The following FUT8 variants were observed in gnomAD, a reference collection of about 807,000 sequenced individuals.
The protein encoded by FUT8 is fucosyltransferase 8, also known as alpha-(1,6)-fucosyltransferase.
Under a neutral mutation model 71.3 loss-of-function variants are expected in FUT8, and 29 were observed. That is an observed-to-expected ratio of 0.41 (90% confidence interval 0.30 to 0.55). The LOEUF (loss-of-function observed/expected upper bound fraction) is 0.55, where lower values mean the gene tolerates loss of function less well. Ranked by LOEUF, FUT8 falls within the 20% of genes least tolerant of loss-of-function variation. The pLI is 0.34. For missense variants in FUT8, 544 were observed against 702.1 expected (o/e 0.77, Z 2.55); for synonymous variants, 254 against 239.3 (o/e 1.06, Z -0.57).
chr14:65,399,303 C>T, the FUT8 span, among the ~76,000 whole-genome samples: 15 of 152,136 alleles, frequency 9.9e-5, no homozygotes, highest in Admixed American at 3.3e-4. Flanking sequence ...GGCGATAGAG[C>T]GAGACTCCAT....
chr14:65,439,954 G>GTAAATA (rs1378430231), intron 1 of FUT8, among the ~76,000 whole-genome samples: 13 of 74,974 alleles, frequency 1.7e-4, no homozygotes, highest in African/African-American at 5.6e-4. Flanking sequence ...GTGTGTGTGT[G>GTAAATA]TATATATATA....
At chr14:65,631,779 A>C (rs549282688) in intron 6 of FUT8, among the ~76,000 whole-genome samples, 1 of 152,004 alleles carries the variant, frequency 6.6e-6, no homozygotes, top group East Asian at 1.9e-4. Context: ...GTGCTTGGTG[A>C]GATTTCTGTG....
At chr14:65,519,717 G>A (rs1264316949) in intron 2 of FUT8, among the ~76,000 whole-genome samples, 2 of 152,118 alleles carry the variant, frequency 1.3e-5, no homozygotes, top group Non-Finnish European at 2.9e-5. Context: ...AAGAAATATA[G>A]TTAACCAGAG....
At chr14:65,633,008 C>CT (rs1322487078) in intron 6 of FUT8, among the ~76,000 whole-genome samples, 1 of 146,758 alleles carries the variant, frequency 6.8e-6, no homozygotes, top group Non-Finnish European at 1.5e-5. Flanking sequence ...CTCCCCTCCC[C>CT]CCCCCCGTCT....
intron 1 of FUT8, among the ~76,000 whole-genome samples, chr14:65,423,885 T>C (rs7151561): frequency 0.66 from 100,122 of 152,138 alleles, 33,144 homozygotes; most frequent in East Asian, 0.77. Context: ...AATTTTTGCA[T>C]CTGCTGGTGT....
chr14:65,592,369 A>G (rs1176190671), intron 3 of FUT8, among the ~76,000 whole-genome samples: 4 of 151,924 alleles, frequency 2.6e-5, no homozygotes, highest in African/African-American at 2.4e-5. Flanking sequence ...GTGGCTTCCT[A>G]TAGAGGAATT....
chr14:65,657,071 C>T (rs896239629), intron 6 of FUT8, among the ~76,000 whole-genome samples: 2 of 152,136 alleles, frequency 1.3e-5, no homozygotes, highest in African/African-American at 4.8e-5. Flanking sequence ...GGGAAACTCT[C>T]CAGGACACTG....
At chr14:65,734,438 C>T (rs993476029) in intron 10 of FUT8, among the ~76,000 whole-genome samples, 4 of 152,060 alleles carry the variant, frequency 2.6e-5, no homozygotes, top group Non-Finnish European at 5.9e-5. Flanking sequence ...GTTACAGATT[C>T]CTTTAATATG....
At chr14:65,677,137 TGTGTGTGTGTGTGTGC>T (rs1268167183) in intron 7 of FUT8, among the ~76,000 whole-genome samples, 1 of 109,336 alleles carries the variant, frequency 9.1e-6, no homozygotes, top group Non-Finnish European at 2.0e-5. Context: ...TGTGTGTGTG[TGTGTGTGTGTGTGTGC>T]GCGCGCGCAT....
chr14:65,431,452 G>A (rs2065473437), intron 1 of FUT8, among the ~76,000 whole-genome samples: 1 of 151,928 alleles, frequency 6.6e-6, no homozygotes, highest in Admixed American at 6.6e-5. Flanking sequence ...TGGGACTACA[G>A]GCATGCGTCA....
At chr14:65,364,326 C>G in the FUT8 span, among the ~76,000 whole-genome samples, 1,455 of 152,156 alleles carry the variant, frequency 9.6e-3, 25 homozygotes, top group African/African-American at 0.034. Flanking sequence ...TGTCTCGACT[C>G]CCAAGTAGCT....
At chr14:65,429,875 A>AG (rs1287142762) in intron 1 of FUT8, among the ~76,000 whole-genome samples, 2 of 144,418 alleles carry the variant, frequency 1.4e-5, no homozygotes, top group African/African-American at 5.8e-5. Flanking sequence ...AAAAAAAAAA[A>AG]AAAAAAAAAA....
intron 6 of FUT8, among the ~76,000 whole-genome samples, chr14:65,634,307 C>T (rs375318111): frequency 6.6e-6 from 1 of 152,032 alleles, no homozygotes; most frequent in Non-Finnish European, 1.5e-5. Flanking sequence ...GTCCACTCAG[C>T]GTTAAATGGA....
chr14:65,499,633 C>T (rs912936131), intron 2 of FUT8, among the ~76,000 whole-genome samples: 2 of 151,606 alleles, frequency 1.3e-5, no homozygotes, highest in African/African-American at 4.8e-5. Flanking sequence ...GAGCAACAAG[C>T]GAGGCCTCAT....
chr14:65,688,751 G>A (rs1893427933), intron 7 of FUT8, among the ~76,000 whole-genome samples: 1 of 152,096 alleles, frequency 6.6e-6, no homozygotes, highest in Non-Finnish European at 1.5e-5. Context: ...GGATCATATG[G>A]CAAAACTATG....
rs2066362383 is a variant in FUT8 at position 65,483,487 on chromosome 14, A to G, written c.-228+27769A>G. 6.6e-6 allele frequency among the ~76,000 whole-genome samples: 1 copy of G among 152,204 alleles called. No homozygotes were observed. Among genetic ancestry groups the G allele is most frequent in the African/African-American group, 2.4e-5 (1 of 41,458 alleles). Reference sequence around the variant, plus strand: ...TATGAATTTAAGAAACAGTATGTAAATATTTGATTGGAATTGCATCGAATC... The same window carrying G: ...TATGAATTTAAGAAACAGTATGTAAGTATTTGATTGGAATTGCATCGAATC... On this transcript the variant is annotated intron_variant, in intron 2 of 10. Transcript: ENST00000673929. This position sits in a 1 kb window ranked among gnomAD's most constrained non-coding sequence, Gnocchi z 4.4.
At chr14:65,499,435 G>A (rs945688017) in intron 2 of FUT8, among the ~76,000 whole-genome samples, 4 of 151,884 alleles carry the variant, frequency 2.6e-5, no homozygotes, top group African/African-American at 4.8e-5. Flanking sequence ...AGTACATGGG[G>A]CAAATTATTT....
chr14:65,617,283 A>T, intron 5 of FUT8: 1 of 1,327,950 alleles, frequency 7.5e-7, no homozygotes, highest in Non-Finnish European at 9.9e-7. Flanking sequence ...ATAAATAAAA[A>T]TCTGTCTATT....
At chr14:65,386,724 G>T in the FUT8 span, among the ~76,000 whole-genome samples, 1 of 150,570 alleles carries the variant, frequency 6.6e-6, no homozygotes, top group Non-Finnish European at 1.5e-5. Context: ...CCTCATTATG[G>T]ATTATATTTT....
Sources: allele counts gnomAD v4.1 joint callset (sites outside exome capture counted in the v4.1 genomes callset), GRCh38; gene constraint gnomAD v4.1.1; non-coding constraint Gnocchi (gnomAD v3.1); transcripts MANE v1.5; gene names NCBI Gene and HGNC (gene_info 2026-07-23, HGNC 2026-07-21).